CFHR5: variants seen among roughly 807,000 people sequenced by gnomAD.
CFHR5 encodes the protein complement factor H-related protein 5.
In CFHR5, 73 loss-of-function variants were observed where a neutral mutation model predicts 62.9. The observed-to-expected ratio is 1.16, with a 90% confidence interval of 0.96 to 1.41. The LOEUF is 1.41. Among genes scored for constraint, CFHR5 ranks in the 40% most tolerant of loss-of-function variants. The pLI is 0.00. For synonymous variants in CFHR5, 249 were observed against 227.2 expected (o/e 1.10, Z -0.86); for missense variants, 779 against 679.9 (o/e 1.15, Z -1.62).
chr1:196,996,202 G>A lies in CFHR5; in HGVS notation c.970+1G>A. On this transcript the variant is annotated splice_donor_variant, in intron 6 of 9. Transcript: ENST00000256785. LOFTEE classifies it high-confidence loss of function. ...TGGACAGAGCTTCCTATGTGTGTTG[G>A]TGAGAAAACATTCCTAAACTTTATA... 1 of 1,600,122 alleles carries A rather than the reference G, an allele frequency of 6.2e-7. No individual in the cohort carries two copies. Among genetic ancestry groups the A allele is most frequent in the Non-Finnish European group, 8.6e-7 (1 of 1,167,510 alleles).
chr1:196,982,805 T>C, intron 1 of CFHR5, 80 bp from the exon 2 acceptor site: 1 of 1,332,818 alleles, frequency 7.5e-7, no homozygotes, highest in Non-Finnish European at 1.1e-6. Flanking sequence ...AAACTATAAA[T>C]GAGATGACTA....
chr1:197,008,594 T>G lies in CFHR5; in HGVS notation c.1621T>G (p.Cys541Gly). The G allele has an allele frequency of 2.5e-6, 4 of 1,613,722 alleles. No individual in the cohort carries two copies. The highest frequency in any genetic ancestry group is 2.5e-6 in the Non-Finnish European group (3 of 1,179,732). ...AACAGGGGATGCTGTTGAATTCCAGTGTAAATTCCCACATAAAGCGATGAT... is the reference window on the plus strand; with the variant it reads ...AACAGGGGATGCTGTTGAATTCCAGGGTAAATTCCCACATAAAGCGATGAT... Reference protein sequence around the residue: ...AKTGDAVEFQCKFPHKAMISS... With the variant: ...AKTGDAVEFQGKFPHKAMISS... The change falls in exon 10 of 10, where the codon TGT (cysteine) becomes GGT (glycine). Residue 541 changes from cysteine to glycine, a missense_variant. Physicochemically the swap from Cys to Gly is radical, Grantham distance 159. Transcript: ENST00000256785.
chr1:197,008,533 G>C lies in CFHR5; in HGVS notation c.1560G>C (p.Gln520His), dbSNP rs202093724. 1.2e-6 allele frequency: 2 copies of C among 1,613,356 alleles called. No homozygotes were observed. Among genetic ancestry groups the C allele is most frequent in the Admixed American group, 3.3e-5 (2 of 59,990 alleles). ...AAAACATGAACAAAAATAACATACA[G>C]TTAAAATGGAGAAACGATGGAAAAC... ...SEENMNKNNI[Q>H]LKWRNDGKLY... Residue 520 changes from glutamine (Q) to histidine (H), a missense_variant, in exon 10 of 10, where the codon CAG becomes CAC. By Grantham distance (24) the Gln-to-His change is conservative. Transcript: ENST00000256785.
At chr1:197,006,537 C>A (rs951342357) in intron 9 of CFHR5, among the ~76,000 whole-genome samples, 1 of 151,700 alleles carries the variant, frequency 6.6e-6, no homozygotes, top group East Asian at 2.0e-4. Flanking sequence ...TATGGAGAAA[C>A]CCCATCTCTA....
chr1:196,982,329 G>A (rs1412636), intron 1 of CFHR5, among the ~76,000 whole-genome samples: 27,879 of 152,074 alleles, frequency 0.18, 3,939 homozygotes, highest in East Asian at 0.69. Flanking sequence ...CATTGCAGAA[G>A]AGTTCATATT....
rs753861647 is a variant in CFHR5 at position 196,996,076 on chromosome 1, C to T, written c.845C>T (p.Pro282Leu). The part of the protein sequence containing the change: ...IPELEYGYVQ[P>L]SVPPYQHGVS... ...GAACTCGAGTACGGTTATGTTCAGCCGTCTGTCCCTCCCTATCAACATGGA... is the reference window on the plus strand; with the variant it reads ...GAACTCGAGTACGGTTATGTTCAGCTGTCTGTCCCTCCCTATCAACATGGA... Residue 282 changes from proline (P) to leucine (L), a missense_variant, in exon 6 of 10, where the codon CCG becomes CTG. Transcript: ENST00000256785. The T allele has an allele frequency of 1.4e-5, 22 of 1,613,676 alleles. No homozygotes were observed. The African/African-American group carries it at 1.5e-4, about 11-fold the overall frequency.
upstream of CFHR5, among the ~76,000 whole-genome samples, chr1:196,976,578 G>T (rs191040593): frequency 1.1e-3 from 166 of 152,066 alleles, 1 homozygote; most frequent in African/African-American, 3.8e-3. Flanking sequence ...GAGACTTTCT[G>T]GAAAAAATAT....
Position 197,004,666 on chromosome 1 carries a change from A to G in CFHR5, c.1336A>G (p.Thr446Ala). 6.2e-7 allele frequency: 1 copy of G among 1,612,616 alleles called. No homozygotes were observed. The highest frequency in any genetic ancestry group is 8.5e-7 in the Non-Finnish European group (1 of 1,178,676). Residue 446 changes from threonine to alanine, a missense_variant, in exon 9 of 10, where the codon ACT becomes GCT. Transcript: ENST00000256785. Reference sequence around the variant, plus strand: ...AAATAAATGCTGTTTTCCAGAGTCTACTGCATATTGTGGGCCCCCTCCATC... The same window carrying G: ...AAATAAATGCTGTTTTCCAGAGTCTGCTGCATATTGTGGGCCCCCTCCATC... ...WQSLPRCVES[T>A]AYCGPPPSIN...
In CFHR5 at chr1:197,008,548, C is replaced by G. The variant is rs751152463; in HGVS notation, c.1575C>G (p.Asn525Lys). ...NKNNIQLKWR[N>K]DGKLYAKTGD... ...ATAACATACAGTTAAAATGGAGAAA[C>G]GATGGAAAACTCTATGCAAAAACAG... Residue 525 changes from asparagine (N) to lysine (K), a missense_variant, in exon 10 of 10, where the codon AAC (asparagine) becomes AAG (lysine). Physicochemically the swap from Asn to Lys is moderately conservative, Grantham distance 94 (BLOSUM62 0). Coordinates refer to ENST00000256785, the MANE Select transcript of CFHR5 (RefSeq NM_030787.4). 2 of 1,612,888 alleles carry G rather than the reference C, an allele frequency of 1.2e-6. No homozygotes were observed. The highest frequency in any genetic ancestry group is 1.7e-6 in the Non-Finnish European group (2 of 1,179,274).
intron 9 of CFHR5, among the ~76,000 whole-genome samples, chr1:197,007,138 T>G (rs1428532997): frequency 6.6e-6 from 1 of 151,502 alleles, no homozygotes; most frequent in East Asian, 2.0e-4. Context: ...CCCGGCCCAA[T>G]GTAGTATTTT....
At chr1:197,005,116 C>T (rs895653980) in intron 9 of CFHR5, among the ~76,000 whole-genome samples, 1 of 152,070 alleles carries the variant, frequency 6.6e-6, no homozygotes. Flanking sequence ...GGGGCCTATT[C>T]GCACTCCATT....
intron 7 of CFHR5, among the ~76,000 whole-genome samples, chr1:196,999,064 TAGGAGTTTACACACA>T (rs1654065175): frequency 6.6e-6 from 1 of 151,920 alleles, no homozygotes; most frequent in South Asian, 2.1e-4. Context: ...ACAGGAAGGA[TAGGAGTTTACACACA>T]AGGTCATAGT....
chr1:196,980,364 A>C (rs75288657), intron 1 of CFHR5, among the ~76,000 whole-genome samples: 1 of 152,124 alleles, frequency 6.6e-6, no homozygotes, highest in Non-Finnish European at 1.5e-5. Context: ...TGTACTATAC[A>C]TAATTGTGTG....
At chr1:197,000,556 CACTT>C (rs1251133709) in intron 7 of CFHR5, among the ~76,000 whole-genome samples, 5 of 152,086 alleles carry the variant, frequency 3.3e-5, no homozygotes, top group Non-Finnish European at 7.4e-5. Context: ...ATATCTAACT[CACTT>C]AGTTGGGACT....
rs1467414838 is a variant in CFHR5 at position 197,009,439 on chromosome 1, G to T, written c.*756G>T. 1 of 152,128 alleles carries T rather than the reference G, an allele frequency of 6.6e-6. No individual in the cohort carries two copies. The highest frequency in any genetic ancestry group is 1.5e-5 in the Non-Finnish European group (1 of 68,028). The allele number at this position is 152,128 out of a possible 1,614,324, so 9.4% of individuals were successfully genotyped here. A position where few individuals can be genotyped will look rare whatever the true frequency, so the allele number is the denominator to read the frequency against. ...TTAATTCATCTAATCCCTCCTGTTT[G>T]TCTCAAATTATAGGATAACTTTGAA... is the stretch of plus-strand genomic sequence containing the variant. On this transcript the variant is annotated 3_prime_UTR_variant, in exon 10 of 10. Coordinates refer to ENST00000256785, the MANE Select transcript of CFHR5 (RefSeq NM_030787.4).
At position 196,996,216 on chromosome 1, in the gene CFHR5, C is replaced by T. The variant is rs372301873; in HGVS notation, c.970+15C>T. 4.5e-6 allele frequency: 7 copies of T among 1,569,580 alleles called. No individual in the cohort carries two copies. In the African/African-American group the frequency reaches 8.1e-5, roughly 18 times the overall value. Reference sequence around the variant, plus strand: ...TATGTGTGTTGGTGAGAAAACATTCCTAAACTTTATATTTGATTATTTATC... The same window carrying T: ...TATGTGTGTTGGTGAGAAAACATTCTTAAACTTTATATTTGATTATTTATC... On this transcript the variant is annotated intron_variant, in intron 6 of 9. Coordinates refer to ENST00000256785, the MANE Select transcript of CFHR5 (RefSeq NM_030787.4).
At chr1:196,999,807 G>A (rs200116090) in intron 7 of CFHR5, among the ~76,000 whole-genome samples, 25,880 of 138,964 alleles carry the variant, frequency 0.19, 2,718 homozygotes, top group Middle Eastern at 0.34. Context: ...GTATATATAT[G>A]TGTGTGTGTG....
chr1:197,007,368 CA>C (rs1380873419), intron 9 of CFHR5, among the ~76,000 whole-genome samples: 5 of 151,846 alleles, frequency 3.3e-5, no homozygotes, highest in African/African-American at 1.2e-4. Flanking sequence ...ACAAATCAAT[CA>C]AAATTCAGTA....
intron 7 of CFHR5, among the ~76,000 whole-genome samples, chr1:196,999,805 ATGTGTG>A (rs538840550): frequency 1.5e-5 from 2 of 135,390 alleles, no homozygotes; most frequent in African/African-American, 2.6e-5. Context: ...GTGTATATAT[ATGTGTG>A]TGTGTGTGTG....
Sources: allele counts gnomAD v4.1 joint callset (sites outside exome capture counted in the v4.1 genomes callset), GRCh38; gene constraint gnomAD v4.1.1; transcripts MANE v1.5; gene names NCBI Gene and HGNC (gene_info 2026-07-23, HGNC 2026-07-21).